SHISA6: variants seen among roughly 807,000 people sequenced by gnomAD.
The protein encoded by SHISA6 is protein shisa-6.
Under a neutral mutation model 47.9 loss-of-function variants are expected in SHISA6, and 22 were observed. That is an observed-to-expected ratio of 0.46 (90% CI 0.33 to 0.66). The LOEUF is 0.66. Among genes scored for constraint, SHISA6 ranks in the 30% least tolerant of loss-of-function variants. SHISA6 has a pLI of 0.02. For synonymous variants in SHISA6, 388 were observed against 337.8 expected (o/e 1.15, Z -1.63); for missense variants, 680 against 764.6 (o/e 0.89, Z 1.30).
chr17:11,273,397 A>C (rs79504685), intron 2 of SHISA6, among the ~76,000 whole-genome samples: 13,512 of 152,222 alleles, frequency 0.089, 673 homozygotes, highest in East Asian at 0.18. Flanking sequence ...AGAGGAGGCC[A>C]CTGCTTGCTC....
intron 3 of SHISA6, among the ~76,000 whole-genome samples, chr17:11,505,438 A>C (rs771661049): frequency 1.3e-5 from 2 of 152,232 alleles, no homozygotes; most frequent in African/African-American, 4.8e-5. Flanking sequence ...GCTTTAGTGC[A>C]GGAAAATCCC....
intron 3 of SHISA6, among the ~76,000 whole-genome samples, chr17:11,475,009 AT>A (rs1448478414): frequency 1.3e-5 from 2 of 152,034 alleles, no homozygotes; most frequent in Non-Finnish European, 2.9e-5. Flanking sequence ...TATTTCTGTG[AT>A]TTTTTTAAGC....
intron 2 of SHISA6, among the ~76,000 whole-genome samples, chr17:11,297,939 C>T (rs1284699621): frequency 6.6e-6 from 1 of 152,114 alleles, no homozygotes; most frequent in Non-Finnish European, 1.5e-5. Flanking sequence ...AGAAAGTTCC[C>T]ATCTGATGCC....
chr17:11,370,758 T>C (rs1055470350), intron 2 of SHISA6, among the ~76,000 whole-genome samples: 1 of 152,202 alleles, frequency 6.6e-6, no homozygotes, highest in African/African-American at 2.4e-5. Flanking sequence ...ACCTTGAGAA[T>C]GCCACTACTC....
intron 3 of SHISA6, among the ~76,000 whole-genome samples, chr17:11,466,772 C>T (rs898021456): frequency 2.6e-5 from 4 of 152,138 alleles, no homozygotes; most frequent in African/African-American, 9.7e-5. Flanking sequence ...CATCATTGAT[C>T]CTGGAAATTC....
intron 3 of SHISA6, among the ~76,000 whole-genome samples, chr17:11,485,986 T>C (rs561462598): frequency 5.9e-5 from 9 of 152,214 alleles, no homozygotes; most frequent in Non-Finnish European, 4.4e-5. Context: ...GCATGCCAGA[T>C]GGTCCTGTTC....
chr17:11,507,269 C>G (rs1335939050), intron 3 of SHISA6, among the ~76,000 whole-genome samples: 1 of 152,278 alleles, frequency 6.6e-6, no homozygotes. Flanking sequence ...GGCTGGGGAA[C>G]AGAATGTCTA....
At chr17:11,411,731 A>G (rs1381523418) in intron 3 of SHISA6, among the ~76,000 whole-genome samples, 3 of 152,198 alleles carry the variant, frequency 2.0e-5, no homozygotes, top group Non-Finnish European at 4.4e-5. Flanking sequence ...AGGGTATCAC[A>G]GATTGCCCAA....
At chr17:11,485,589 G>A (rs138644948) in intron 3 of SHISA6, among the ~76,000 whole-genome samples, 23 of 152,210 alleles carry the variant, frequency 1.5e-4, no homozygotes, top group African/African-American at 4.8e-4. Flanking sequence ...AGACGGCCAC[G>A]CGCACTGAGT....
chr17:11,519,265 CA>C (rs1230672604), intron 3 of SHISA6, among the ~76,000 whole-genome samples: 1 of 152,158 alleles, frequency 6.6e-6, no homozygotes, highest in African/African-American at 2.4e-5. Context: ...GACAAATGGA[CA>C]AATAAAGTGT....
chr17:11,351,697 A>C (rs1911898698), intron 2 of SHISA6, among the ~76,000 whole-genome samples: 1 of 152,354 alleles, frequency 6.6e-6, no homozygotes, highest in African/African-American at 2.4e-5. Flanking sequence ...CTGCACCTTC[A>C]TCCTCTGGCA....
At chr17:11,353,339 C>T (rs1011524406) in intron 2 of SHISA6, among the ~76,000 whole-genome samples, 5 of 151,888 alleles carry the variant, frequency 3.3e-5, no homozygotes, top group Non-Finnish European at 5.9e-5. Context: ...CACATGTAGT[C>T]CCAGCTACTC....
At chr17:11,374,298 A>G (rs1267100267) in intron 2 of SHISA6, among the ~76,000 whole-genome samples, 1 of 152,046 alleles carries the variant, frequency 6.6e-6, no homozygotes, top group Non-Finnish European at 1.5e-5. Context: ...GTAAATATAC[A>G]TTTTTAGTCT....
intron 4 of SHISA6, among the ~76,000 whole-genome samples, chr17:11,555,499 G>A (rs1288758361): frequency 6.6e-6 from 1 of 151,952 alleles, no homozygotes; most frequent in Non-Finnish European, 1.5e-5. Context: ...AGACTCAAGA[G>A]TCGAGTCTCC....
At chr17:11,484,549 C>G (rs1032069364) in intron 3 of SHISA6, among the ~76,000 whole-genome samples, 1 of 152,094 alleles carries the variant, frequency 6.6e-6, no homozygotes, top group African/African-American at 2.4e-5. Context: ...TACAGGCATG[C>G]ACTACCACGC....
At chr17:11,444,525 C>T (rs1188742706) in intron 3 of SHISA6, among the ~76,000 whole-genome samples, 2 of 152,110 alleles carry the variant, frequency 1.3e-5, no homozygotes, top group Non-Finnish European at 2.9e-5. Context: ...GTACAGGTCA[C>T]TCACCAGGGG....
intron 3 of SHISA6, among the ~76,000 whole-genome samples, chr17:11,492,149 G>A (rs1437458897): frequency 6.6e-6 from 1 of 152,050 alleles, no homozygotes; most frequent in East Asian, 1.9e-4. Context: ...GTCTCCTGTT[G>A]GATCTTTATG....
chr17:11,390,120 A>G (rs1913336291), intron 3 of SHISA6, among the ~76,000 whole-genome samples: 1 of 152,210 alleles, frequency 6.6e-6, no homozygotes, highest in South Asian at 2.1e-4. Context: ...CTTGCCTAGA[A>G]TCATGGCCTC....
intron 2 of SHISA6, among the ~76,000 whole-genome samples, chr17:11,275,747 T>C (rs1431862137): frequency 6.6e-6 from 1 of 152,086 alleles, no homozygotes; most frequent in African/African-American, 2.4e-5. Context: ...AGTGAAATCC[T>C]GCTTGGTATG....
Sources: gnomAD v4.1 joint callset for allele counts (sites outside exome capture counted in the v4.1 genomes callset) on GRCh38, gnomAD v4.1.1 for gene constraint, MANE v1.5 for transcripts, NCBI Gene and HGNC (gene_info 2026-07-23, HGNC 2026-07-21) for gene names.